Variants in IRAK2 observed in about 807,000 individuals in gnomAD.
The protein encoded by IRAK2 is interleukin 1 receptor associated kinase 2.
Under a neutral mutation model 72.0 loss-of-function variants are expected in IRAK2, and 57 were observed. The observed-to-expected ratio is 0.79, with a 90% CI of 0.64 to 0.99. IRAK2 has a LOEUF of 0.99. IRAK2 is among the 50% of genes least tolerant of loss of function. The pLI, the probability that IRAK2 is intolerant of heterozygous loss-of-function variation, is 0.00. For synonymous variants in IRAK2, 293 were observed against 312.7 expected (o/e 0.94, Z 0.67); for missense variants, 790 against 794.4 (o/e 0.99, Z 0.07).
chr3:10,211,883 C>G (rs1011111587), intron 4 of IRAK2, among the ~76,000 whole-genome samples: 29 of 152,128 alleles, frequency 1.9e-4, no homozygotes, highest in Admixed American at 1.7e-3. Context: ...GGAGACCATC[C>G]TGGCTAACAC....
chr3:10,215,771 CACAGAT>C (rs1266295014), intron 6 of IRAK2, among the ~76,000 whole-genome samples: 5 of 151,236 alleles, frequency 3.3e-5, no homozygotes, highest in Non-Finnish European at 4.4e-5. Flanking sequence ...CACACACACA[CACAGAT>C]ACACACACAC....
At position 10,186,907 on chromosome 3, in the gene IRAK2, C is replaced by T. The variant is rs577534582; in HGVS notation, c.277+8887C>T. Among the ~76,000 whole-genome samples the T allele has an allele frequency of 3.3e-5, 5 of 149,944 alleles. No homozygotes were observed. In the South Asian group the frequency reaches 1.0e-3, roughly 31 times the overall value. On this transcript the variant is annotated intron_variant, in intron 2 of 12. Coordinates refer to ENST00000256458, the MANE Select transcript of IRAK2 (RefSeq NM_001570.4). ...TTTGAACTCTTGTGCTCAAACAGTC[C>T]TCTTGCTTCAGCCTCCCAAGTAGCT...
At chr3:10,174,904 G>A (rs559542596) in intron 1 of IRAK2, among the ~76,000 whole-genome samples, 1 of 150,610 alleles carries the variant, frequency 6.6e-6, no homozygotes, top group African/African-American at 2.5e-5. Context: ...TCCATTTATG[G>A]GCCAGGCACA....
chr3:10,197,605 C>A (rs1697290074), intron 2 of IRAK2, among the ~76,000 whole-genome samples: 1 of 152,156 alleles, frequency 6.6e-6, no homozygotes, highest in South Asian at 2.1e-4. Context: ...GTAATCCCAG[C>A]ACTTTGGGAG....
At chr3:10,184,938 C>A (rs531024480) in intron 2 of IRAK2, among the ~76,000 whole-genome samples, 25 of 150,404 alleles carry the variant, frequency 1.7e-4, no homozygotes, top group Admixed American at 9.2e-4. Flanking sequence ...GGGGTTTCAC[C>A]GTGTTAGCCA....
chr3:10,229,705 G>A (rs1265124908), intron 10 of IRAK2, among the ~76,000 whole-genome samples: 1 of 152,106 alleles, frequency 6.6e-6, no homozygotes, highest in Non-Finnish European at 1.5e-5. Context: ...CCATTGTATG[G>A]ATAGATGACT....
chr3:10,233,004 T>C (rs1697881752), intron 10 of IRAK2, among the ~76,000 whole-genome samples: 1 of 152,190 alleles, frequency 6.6e-6, no homozygotes, highest in Non-Finnish European at 1.5e-5. Context: ...GTTGAGACTG[T>C]AGTGAGCTGT....
intron 3 of IRAK2, 32 bp from the exon 4 acceptor site, chr3:10,209,556 GC>G: frequency 7.1e-7 from 1 of 1,411,218 alleles, no homozygotes; most frequent in East Asian, 2.6e-5. Context: ...CCTCCCCGAG[GC>G]TGCATCCTGA....
At chr3:10,193,048 G>A (rs1333643046) in intron 2 of IRAK2, among the ~76,000 whole-genome samples, 1 of 152,186 alleles carries the variant, frequency 6.6e-6, no homozygotes, top group Non-Finnish European at 1.5e-5. Flanking sequence ...CCCTGCTGGT[G>A]AGCCTGACTG....
At chr3:10,203,990 G>A (rs1310083148) in intron 3 of IRAK2, among the ~76,000 whole-genome samples, 1 of 152,202 alleles carries the variant, frequency 6.6e-6, no homozygotes, top group Non-Finnish European at 1.5e-5. Flanking sequence ...CAGTCTCGAA[G>A]CTAGAATTCA....
intron 6 of IRAK2, 89 bp downstream of exon 6, chr3:10,213,637 T>C: frequency 4.2e-6 from 4 of 958,358 alleles, no homozygotes; most frequent in South Asian, 1.3e-5. Flanking sequence ...CACTCTATTA[T>C]ATATAAACTC....
Position 10,165,071 on chromosome 3 carries a change from A to T in IRAK2, c.94+23A>T, listed in dbSNP as rs199769069. 10 of 1,588,032 alleles carry T rather than the reference A, an allele frequency of 6.3e-6. No homozygotes were observed. The East Asian group carries it at 1.8e-4, about 29-fold the overall frequency. On this transcript the variant is annotated intron_variant, in intron 1 of 12. Transcript: ENST00000256458. ...TCGGTGAGTGCGGCCCGGGGAGGGG[A>T]GGGGACCAGGGCGACCGGAGCCCCC...
intron 4 of IRAK2, among the ~76,000 whole-genome samples, chr3:10,211,961 T>G (rs1697528564): frequency 6.6e-6 from 1 of 151,324 alleles, no homozygotes; most frequent in Non-Finnish European, 1.5e-5. Context: ...GTGCCTGTAG[T>G]CCCAGCTGCT....
chr3:10,241,975 TA>T (rs1390125099), intron 12 of IRAK2, 140 bp from the exon 13 acceptor site: 960 of 359,290 alleles, frequency 2.7e-3, no homozygotes, highest in Non-Finnish European at 3.1e-3. Flanking sequence ...CCTGTCTCGA[TA>T]AAAAAAAAAG....
At chr3:10,238,100 A>C (rs1025357622) in intron 11 of IRAK2, among the ~76,000 whole-genome samples, 4 of 152,100 alleles carry the variant, frequency 2.6e-5, no homozygotes, top group African/African-American at 7.2e-5. Flanking sequence ...TCTTACACAC[A>C]CACACGTGCA....
At chr3:10,205,268 C>G (rs188575550) in intron 3 of IRAK2, among the ~76,000 whole-genome samples, 5 of 152,060 alleles carry the variant, frequency 3.3e-5, no homozygotes, top group Non-Finnish European at 1.5e-5. Context: ...ACCCTAGGCA[C>G]GAGGAGCCAA....
At chr3:10,182,421 T>A (rs1481177443) in intron 2 of IRAK2, among the ~76,000 whole-genome samples, 1 of 151,958 alleles carries the variant, frequency 6.6e-6, no homozygotes, top group Non-Finnish European at 1.5e-5. Context: ...TAGGTGGGAC[T>A]ACAGGTGCCC....
chr3:10,177,723 G>C (rs1575954645), intron 1 of IRAK2, 115 bp from the exon 2 acceptor site: 1 of 974,804 alleles, frequency 1.0e-6, no homozygotes, highest in African/African-American at 1.6e-5. Context: ...TTCCAGTGTG[G>C]AGGCGGTGGT....
At chr3:10,188,586 G>A (rs1697120572) in intron 2 of IRAK2, among the ~76,000 whole-genome samples, 1 of 152,172 alleles carries the variant, frequency 6.6e-6, no homozygotes, top group East Asian at 1.9e-4. Flanking sequence ...GAGTGCAATA[G>A]CGCAATCTCG....
Sources: allele counts gnomAD v4.1 joint callset (sites outside exome capture counted in the v4.1 genomes callset), GRCh38; gene constraint gnomAD v4.1.1; transcripts MANE v1.5; gene names NCBI Gene and HGNC (gene_info 2026-07-23, HGNC 2026-07-21).